ADGRB1: variants seen among roughly 807,000 people sequenced by gnomAD.
The protein encoded by ADGRB1 is brain-specific angiogenesis inhibitor 1.
In ADGRB1, 36 loss-of-function variants were observed where a neutral mutation model predicts 175.7. The observed-to-expected ratio is 0.20, with a 90% CI of 0.16 to 0.27. ADGRB1 has a LOEUF of 0.27. Ranked by LOEUF, ADGRB1 falls within the 10% of genes least tolerant of loss-of-function variation. The probability of loss-of-function intolerance (pLI) is 1.00; values close to 1 mark genes in which losing one functional copy is unlikely to be tolerated. For missense variants in ADGRB1, 1,731 were observed against 2,255.3 expected (o/e 0.77, Z 4.71); for synonymous variants, 1,054 against 979.4 (o/e 1.08, Z -1.42).
At position 142,464,830 on chromosome 8, in the gene ADGRB1, C is replaced by A. The variant is rs1440207443; in HGVS notation, c.632C>A (p.Thr211Asn). The change falls in exon 2 of 31, where the codon ACC becomes AAC. Residue 211 changes from threonine to asparagine, a missense_variant. Around this residue, in one of 8 missense-constraint regions of ADGRB1, gnomAD observed 383 missense variants for 383.1 expected, o/e 1.00. Coordinates refer to ENST00000517894, the MANE Select transcript of ADGRB1 (RefSeq NM_001702.3). ...TCGCACCCCTGCGGGATCATGCAGA[C>A]CCCCTGCGCCTGCCTGGGCGGCGAG... ...RSSHPCGIMQ[T>N]PCACLGGEAG... 6.5e-7 allele frequency: 1 copy of A among 1,528,798 alleles called. No individual in the cohort carries two copies. The highest frequency in any genetic ancestry group is 8.7e-7 in the Non-Finnish European group (1 of 1,143,074). 94.7% of individuals were successfully genotyped at this position (1,528,798 alleles called of 1,614,324 possible). A position where few individuals can be genotyped will look rare whatever the true frequency, so the allele number is the denominator to read the frequency against.
intron 17 of ADGRB1, among the ~76,000 whole-genome samples, chr8:142,502,332 GTGAT>G (rs1842626523): frequency 1.0e-5 from 1 of 95,490 alleles, no homozygotes; most frequent in African/African-American, 4.0e-5. Flanking sequence ...GGTAGTGATG[GTGAT>G]GGTGGTGGTG....
chr8:142,495,285 G>A (rs1440449992), intron 17 of ADGRB1, among the ~76,000 whole-genome samples: 2 of 152,036 alleles, frequency 1.3e-5, no homozygotes, highest in Non-Finnish European at 2.9e-5. Flanking sequence ...GACCAGTGAT[G>A]GCTGGCATGG....
At chr8:142,479,225 C>A in intron 7 of ADGRB1, 98 bp from the exon 8 acceptor site, 2 of 1,315,424 alleles carry the variant, frequency 1.5e-6, no homozygotes, top group South Asian at 2.2e-5. Flanking sequence ...TGCCGCATGG[C>A]TCTGTGTGGG....
chr8:142,453,529 G>A (rs1173565816), intron 1 of ADGRB1, among the ~76,000 whole-genome samples: 4 of 152,204 alleles, frequency 2.6e-5, no homozygotes, highest in African/African-American at 4.8e-5. Context: ...CTGCAGCTGC[G>A]CCATCGGCAG....
In ADGRB1 at chr8:142,542,386, C is replaced by G. The variant is rs374403021; in HGVS notation, c.4152C>G (p.Pro1384=). ...QTRLIHLSTA[P]EASLPARSPP... is the part of the protein sequence containing the mutation. ...GCCTCATCCACCTCAGCACGGCCCCCGAGGCCAGCCTCCCCGCCCGCAGCC... is the reference window on the plus strand; with the variant it reads ...GCCTCATCCACCTCAGCACGGCCCCGGAGGCCAGCCTCCCCGCCCGCAGCC... The change falls in exon 28 of 31, where the codon CCC becomes CCG. Residue 1384 remains proline (P), a synonymous_variant. Coordinates refer to ENST00000517894, the MANE Select transcript of ADGRB1 (RefSeq NM_001702.3). This position sits in a 1 kb window ranked among gnomAD's most constrained non-coding sequence, Gnocchi z 6.3. 3 of 1,562,184 alleles carry G rather than the reference C, an allele frequency of 1.9e-6. No homozygotes were observed. The highest frequency in any genetic ancestry group is 1.7e-6 in the Non-Finnish European group (2 of 1,155,224).
chr8:142,530,817 G>T (rs930319552), intron 24 of ADGRB1, among the ~76,000 whole-genome samples: 3 of 152,156 alleles, frequency 2.0e-5, no homozygotes, highest in Admixed American at 6.5e-5. Context: ...CCCGCACCCC[G>T]GGCACCTGCC....
chr8:142,487,519 C>T (rs1036717477), intron 13 of ADGRB1, among the ~76,000 whole-genome samples: 4 of 152,224 alleles, frequency 2.6e-5, no homozygotes, highest in Non-Finnish European at 5.9e-5. Flanking sequence ...GCTACTGATG[C>T]GCATGCCCTC....
At chr8:142,490,520 C>T (rs1000286988) in intron 16 of ADGRB1, among the ~76,000 whole-genome samples, 1 of 152,252 alleles carries the variant, frequency 6.6e-6, no homozygotes, top group African/African-American at 2.4e-5. Flanking sequence ...GCCACTGGAC[C>T]TGGGCTCTGG....
Position 142,539,361 on chromosome 8 carries a change from C to G in ADGRB1, c.3667-13C>G, listed in dbSNP as rs1382523212. 1.3e-6 allele frequency: 2 copies of G among 1,580,696 alleles called. No homozygotes were observed. Among genetic ancestry groups the G allele is most frequent in the Admixed American group, 1.8e-5 (1 of 55,088 alleles). ...AGAGGCGCTCACCCTGCCCTGTTGT[C>G]TCTGTCCTACAGACCGACTTCGAGA... On this transcript the variant is annotated splice_polypyrimidine_tract_variant and intron_variant, in intron 26 of 30. Transcript: ENST00000517894.
intron 18 of ADGRB1, among the ~76,000 whole-genome samples, chr8:142,516,239 G>A (rs1478580533): frequency 1.2e-4 from 17 of 147,012 alleles, no homozygotes; most frequent in East Asian, 6.1e-4. Flanking sequence ...GTGTGTGTGC[G>A]TGTGCGGGCC....
At position 142,479,371 on chromosome 8, in the gene ADGRB1, C is replaced by T. The variant is rs1423172386; in HGVS notation, c.1610C>T (p.Thr537Met). 5.9e-6 allele frequency: 9 copies of T among 1,534,688 alleles called. No homozygotes were observed. The highest frequency in any genetic ancestry group is 7.0e-6 in the Non-Finnish European group (8 of 1,144,308). Residue 537 changes from threonine (T) to methionine (M), a missense_variant, in exon 8 of 31, where the codon ACG becomes ATG. Coordinates refer to ENST00000517894, the MANE Select transcript of ADGRB1 (RefSeq NM_001702.3). ...AWASWGSCSVTCGAGSQRRER... is the reference protein window; with the variant it reads ...AWASWGSCSVMCGAGSQRRER... ...GCGTCATGGGGCAGTTGCAGCGTCA[C>T]GTGTGGGGCTGGCAGCCAGCGACGG...
At chr8:142,469,525 ATG>A (rs1229227625) in intron 2 of ADGRB1, among the ~76,000 whole-genome samples, 1 of 122,862 alleles carries the variant, frequency 8.1e-6, no homozygotes, top group African/African-American at 3.1e-5. Flanking sequence ...ATGCACGTGC[ATG>A]TGTGAATGTG....
At chr8:142,497,264 G>A (rs1242018082) in intron 17 of ADGRB1, among the ~76,000 whole-genome samples, 1 of 152,152 alleles carries the variant, frequency 6.6e-6, no homozygotes, top group Non-Finnish European at 1.5e-5. Context: ...TCGGGACCCA[G>A]ACCCTGGTCC....
Position 142,464,807 on chromosome 8 carries a change from G to C in ADGRB1, c.609G>C (p.Ser203=), listed in dbSNP as rs910352892. The part of the protein sequence containing the change: ...LDACLAGSRS[S]HPCGIMQTPC... ...CGTGTCTGGCCGGTAGTCGCAGCTCGCACCCCTGCGGGATCATGCAGACCC... is the reference window on the plus strand; with the variant it reads ...CGTGTCTGGCCGGTAGTCGCAGCTCCCACCCCTGCGGGATCATGCAGACCC... The change falls in exon 2 of 31, where the codon TCG becomes TCC. Residue 203 remains serine, a synonymous_variant. Transcript: ENST00000517894. 1.9e-5 allele frequency: 29 copies of C among 1,534,596 alleles called. No individual in the cohort carries two copies. The highest frequency in any genetic ancestry group is 4.9e-5 in the East Asian group (2 of 40,544).
chr8:142,519,134 G>A (rs576974677), intron 19 of ADGRB1, among the ~76,000 whole-genome samples: 9 of 152,242 alleles, frequency 5.9e-5, no homozygotes, highest in Non-Finnish European at 8.8e-5. Flanking sequence ...CTCTTCCCGG[G>A]ACCTGCCTTC....
At chr8:142,498,200 A>G (rs1842316537) in intron 17 of ADGRB1, among the ~76,000 whole-genome samples, 1 of 152,078 alleles carries the variant, frequency 6.6e-6, no homozygotes, top group Non-Finnish European at 1.5e-5. Context: ...TCCGATCTGC[A>G]GTGAATCCTT....
Position 142,474,965 on chromosome 8 carries a change from G to T in ADGRB1, c.785-509G>T, listed in dbSNP as rs191134468. ...TATACCTGCGTGGGGTGAAGAAGCGGCTCCAGGTCACAGCTGGGGTGTGAA... is the reference window on the plus strand; with the variant it reads ...TATACCTGCGTGGGGTGAAGAAGCGTCTCCAGGTCACAGCTGGGGTGTGAA... On this transcript the variant is annotated intron_variant, in intron 2 of 30. Transcript: ENST00000517894. The surrounding 1 kb of genome is among the most constrained non-coding windows in gnomAD (Gnocchi z 5.8). Among the ~76,000 whole-genome samples, 35 of 152,258 alleles carry T rather than the reference G, an allele frequency of 2.3e-4. No homozygotes were observed. Among genetic ancestry groups the T allele is most frequent in the African/African-American group, 6.5e-4 (27 of 41,552 alleles).
Position 142,544,705 on chromosome 8 carries a change from G to C in ADGRB1, c.*288G>C. ...GCGGGCAGATGGGCGGACGGCTGTG[G>C]ACCGTGGACAGGCCCAGCGCGGCCA... is the stretch of plus-strand genomic sequence containing the variant. On this transcript the variant is annotated 3_prime_UTR_variant, in exon 31 of 31. Transcript: ENST00000517894. The C allele has an allele frequency of 3.4e-6, 1 of 290,404 alleles. No individual in the cohort carries two copies. Among genetic ancestry groups the C allele is most frequent in the Non-Finnish European group, 6.3e-6 (1 of 158,476 alleles). The allele number at this position is 290,404 out of a possible 1,614,324, so 18.0% of individuals were successfully genotyped here. A position where few individuals can be genotyped will look rare whatever the true frequency, so the allele number is the denominator to read the frequency against.
At chr8:142,540,694 G>A (rs577939458) in intron 27 of ADGRB1, among the ~76,000 whole-genome samples, 2 of 152,266 alleles carry the variant, frequency 1.3e-5, no homozygotes, top group South Asian at 4.1e-4. Flanking sequence ...GGGAGGTCGG[G>A]AGCCCCAGGG....
Sources: gnomAD v4.1 joint callset for allele counts (sites outside exome capture counted in the v4.1 genomes callset) on GRCh38, gnomAD v4.1.1 for gene constraint, gnomAD v4.1.1 regional missense constraint, Gnocchi (gnomAD v3.1) non-coding constraint, MANE v1.5 for transcripts, NCBI Gene and HGNC (gene_info 2026-07-23, HGNC 2026-07-21) for gene names.